The following ANO3 variants were observed in gnomAD, a reference collection of about 807,000 sequenced individuals.
ANO3 encodes anoctamin 3.
A neutral mutation model predicts 144.8 loss-of-function variants in ANO3; 99 were observed. The observed-to-expected ratio is 0.68, with a 90% CI of 0.58 to 0.81. The LOEUF is 0.81. Among genes scored for constraint, ANO3 ranks in the 30% least tolerant of loss-of-function variants. The pLI, the probability that ANO3 is intolerant of heterozygous loss-of-function variation, is 0.00. For synonymous variants in ANO3, 414 were observed against 392.6 expected, an observed-to-expected ratio of 1.05 and a Z score of -0.64; for missense variants, 905 against 1,202.2, an observed-to-expected ratio of 0.75 and a Z score of 3.66.
intron 3 of ANO3, among the ~76,000 whole-genome samples, chr11:26,459,357 G>A (rs575424436): frequency 1.8e-4 from 28 of 152,068 alleles, no homozygotes; most frequent in Non-Finnish European, 3.8e-4. Flanking sequence ...ATGGATACAG[G>A]AAGATCATTT....
intron 13 of ANO3, among the ~76,000 whole-genome samples, chr11:26,556,445 C>G (rs1484964173): frequency 1.3e-5 from 2 of 151,148 alleles, no homozygotes; most frequent in African/African-American, 4.9e-5. Context: ...AGAAGCTGTT[C>G]TTTTCAAGAA....
intron 1 of ANO3, among the ~76,000 whole-genome samples, chr11:26,268,855 G>A (rs1464119645): frequency 2.6e-5 from 4 of 152,104 alleles, no homozygotes; most frequent in Non-Finnish European, 5.9e-5. Flanking sequence ...GTAAGAATAA[G>A]CCATCAGAAC....
chr11:26,625,276 G>A (rs1341962909), intron 18 of ANO3, among the ~76,000 whole-genome samples: 2 of 152,104 alleles, frequency 1.3e-5, no homozygotes, highest in African/African-American at 2.4e-5. Flanking sequence ...ATGTTTCCAC[G>A]TGATATCGTT....
intron 4 of ANO3, among the ~76,000 whole-genome samples, chr11:26,497,236 A>G (rs1456350312): frequency 6.6e-6 from 1 of 151,994 alleles, no homozygotes; most frequent in East Asian, 1.9e-4. Flanking sequence ...GTATGTATAT[A>G]TATGTGTGTA....
At chr11:26,293,984 G>GAT (rs1349220608) in intron 1 of ANO3, among the ~76,000 whole-genome samples, 2 of 152,092 alleles carry the variant, frequency 1.3e-5, no homozygotes, top group African/African-American at 2.4e-5. Context: ...CAATGTTTCT[G>GAT]ATTGCACTTC....
At chr11:26,442,829 C>T (rs779547887) in intron 2 of ANO3, among the ~76,000 whole-genome samples, 14 of 152,088 alleles carry the variant, frequency 9.2e-5, no homozygotes, top group South Asian at 2.1e-4. Context: ...TGCAGTGGGA[C>T]GATGTCGGCT....
chr11:26,594,178 T>G (rs1851538086), intron 14 of ANO3, among the ~76,000 whole-genome samples: 1 of 152,164 alleles, frequency 6.6e-6, no homozygotes, highest in Non-Finnish European at 1.5e-5. Context: ...TTTTCCTTAG[T>G]CCTTCTAGCA....
intron 1 of ANO3, among the ~76,000 whole-genome samples, chr11:26,213,083 C>T (rs149022795): frequency 3.9e-5 from 6 of 152,064 alleles, no homozygotes; most frequent in Admixed American, 3.9e-4. Context: ...ATTTAACACC[C>T]CTTCATGTTA....
intron 1 of ANO3, among the ~76,000 whole-genome samples, chr11:26,243,629 C>G (rs1358639711): frequency 6.6e-6 from 1 of 152,172 alleles, no homozygotes; most frequent in Non-Finnish European, 1.5e-5. Context: ...GCAAAGCACA[C>G]TTTGATAAAT....
intron 1 of ANO3, among the ~76,000 whole-genome samples, chr11:26,415,110 G>A (rs1857546556): frequency 6.6e-6 from 1 of 151,552 alleles, no homozygotes; most frequent in African/African-American, 2.4e-5. Flanking sequence ...GTGTGAGACA[G>A]TTCAATACCT....
At chr11:26,324,324 G>A (rs1854832665) in intron 1 of ANO3, among the ~76,000 whole-genome samples, 1 of 152,182 alleles carries the variant, frequency 6.6e-6, no homozygotes, top group South Asian at 2.1e-4. Context: ...AGCTGACCTT[G>A]AGACTGTGCA....
At chr11:26,624,617 AT>A in intron 18 of ANO3, 119 bp downstream of exon 18, 2 of 718,468 alleles carry the variant, frequency 2.8e-6, no homozygotes, top group African/African-American at 3.5e-5. Context: ...GTATTTACCA[AT>A]TAAAAAGGAG....
chr11:26,363,141 TC>T (rs1488916140), intron 1 of ANO3, among the ~76,000 whole-genome samples: 6 of 152,330 alleles, frequency 3.9e-5, no homozygotes, highest in Admixed American at 2.0e-4. Context: ...AGTTCTTTTT[TC>T]ATCCTTCATC....
intron 1 of ANO3, among the ~76,000 whole-genome samples, chr11:26,240,088 C>T (rs1242781280): frequency 2.0e-5 from 3 of 152,116 alleles, no homozygotes; most frequent in Non-Finnish European, 4.4e-5. Flanking sequence ...TTAACTCCTC[C>T]GTGTCACATA....
intron 1 of ANO3, among the ~76,000 whole-genome samples, chr11:26,419,865 A>G (rs138162627): frequency 1.3e-5 from 2 of 152,254 alleles, no homozygotes; most frequent in African/African-American, 4.8e-5. Context: ...GAAAGAAACA[A>G]AACATTCAAA....
At chr11:26,476,745 G>C (rs968044806) in intron 4 of ANO3, among the ~76,000 whole-genome samples, 1 of 152,054 alleles carries the variant, frequency 6.6e-6, no homozygotes, top group Admixed American at 6.6e-5. Context: ...GAATATATCA[G>C]ACAGTTTCCC....
At chr11:26,347,032 G>A (rs548371983) in intron 1 of ANO3, among the ~76,000 whole-genome samples, 3 of 152,168 alleles carry the variant, frequency 2.0e-5, no homozygotes, top group Non-Finnish European at 2.9e-5. Flanking sequence ...TTATGTTTTG[G>A]AAGTATTTTA....
chr11:26,531,972 C>T (rs2134185712), intron 8 of ANO3, among the ~76,000 whole-genome samples: 1 of 152,120 alleles, frequency 6.6e-6, no homozygotes, highest in African/African-American at 2.4e-5. Context: ...TCTAATGGGG[C>T]AGACAAAAAT....
chr11:26,266,500 C>A lies in ANO3; in HGVS notation c.155-43145C>A, dbSNP rs186899130. Among the ~76,000 whole-genome samples, 498 of 147,212 alleles carry A rather than the reference C, an allele frequency of 3.4e-3. 3 individuals are homozygous for A. The highest frequency in any genetic ancestry group is 0.011 in the African/African-American group (432 of 39,460). On this transcript the variant is annotated intron_variant, in intron 1 of 27. Coordinates refer to the ANO3 transcript ENST00000672621. ...CCAGGCTGGAGTGCAGTGGCGCAATCTCGGCTCACTGCAACCTCTGCCTCC... is the reference window on the plus strand; with the variant it reads ...CCAGGCTGGAGTGCAGTGGCGCAATATCGGCTCACTGCAACCTCTGCCTCC...
Sources: allele counts gnomAD v4.1 joint callset (sites outside exome capture counted in the v4.1 genomes callset), GRCh38; gene constraint gnomAD v4.1.1; transcripts MANE v1.5; gene names NCBI Gene and HGNC (gene_info 2026-07-23, HGNC 2026-07-21).